GPR158: variants seen among roughly 807,000 people sequenced by gnomAD.
GPR158 encodes the protein metabotropic glycine receptor.
A neutral mutation model predicts 78.2 loss-of-function variants in GPR158; 30 were observed. The observed-to-expected ratio is 0.38, with a 90% CI of 0.29 to 0.52. The LOEUF is 0.52. Ranked by LOEUF, GPR158 falls within the 20% of genes least tolerant of loss-of-function variation. GPR158 has a pLI of 0.83. For synonymous variants in GPR158, 581 were observed against 591.1 expected (o/e 0.98, Z 0.25); for missense variants, 1,463 against 1,523.5 (o/e 0.96, Z 0.66).
At chr10:25,481,455 G>A (rs564568860) in intron 5 of GPR158, among the ~76,000 whole-genome samples, 1 of 152,070 alleles carries the variant, frequency 6.6e-6, no homozygotes, top group South Asian at 2.1e-4. Context: ...AACTAGGAGA[G>A]GTCAGGGAGC....
intron 2 of GPR158, among the ~76,000 whole-genome samples, chr10:25,224,871 C>T (rs536782513): frequency 2.8e-4 from 43 of 152,178 alleles, no homozygotes; most frequent in East Asian, 3.9e-4. Context: ...TTAAAGGAAT[C>T]GGTTAAAAAC....
chr10:25,383,004 T>C (rs947519945), intron 2 of GPR158, among the ~76,000 whole-genome samples: 5 of 151,812 alleles, frequency 3.3e-5, no homozygotes, highest in South Asian at 2.1e-4. Context: ...CCCGGCTTAT[T>C]TTTGGTATTT....
chr10:25,238,219 A>G (rs1483125902), intron 2 of GPR158, among the ~76,000 whole-genome samples: 2 of 151,648 alleles, frequency 1.3e-5, no homozygotes, highest in East Asian at 3.9e-4. Flanking sequence ...CAGTTTCTTC[A>G]CTCCATATCC....
intron 2 of GPR158, among the ~76,000 whole-genome samples, chr10:25,371,157 A>T (rs562093838): frequency 6.7e-6 from 1 of 148,438 alleles, no homozygotes; most frequent in Non-Finnish European, 1.5e-5. Context: ...TGGAGCACTT[A>T]GTCCATTTAC....
At chr10:25,214,903 C>T (rs1458129530) in intron 1 of GPR158, among the ~76,000 whole-genome samples, 1 of 152,112 alleles carries the variant, frequency 6.6e-6, no homozygotes, top group African/African-American at 2.4e-5. Flanking sequence ...AATAAAAGTT[C>T]TGTTGTTTAA....
rs547318746 is a variant in GPR158, at chr10:25,247,317, CT to C, written c.1008+26170del. Among the ~76,000 whole-genome samples the C allele has an allele frequency of 2.0e-3, 282 of 140,560 alleles. 1 individual carries two copies. The highest frequency in any genetic ancestry group is 3.2e-3 in the African/African-American group (121 of 38,378). 92.2% of individuals were successfully genotyped at this position (140,560 alleles called of 152,430 possible). ...AATTCAATTTATTCTTTTTTTTTTT[CT>C]TTTTTTTTTATTATACTTTAAGTTT... On this transcript the variant is annotated intron_variant, in intron 2 of 10. Transcript: ENST00000376351.
chr10:25,445,062 T>C (rs556720118), intron 4 of GPR158, among the ~76,000 whole-genome samples: 1 of 152,324 alleles, frequency 6.6e-6, no homozygotes, highest in East Asian at 1.9e-4. Flanking sequence ...GAATATAAAG[T>C]CTTTCTTAGA....
chr10:25,207,708 G>T (rs1460335143), intron 1 of GPR158, among the ~76,000 whole-genome samples: 1 of 152,070 alleles, frequency 6.6e-6, no homozygotes, highest in African/African-American at 2.4e-5. Flanking sequence ...ATGACCAAGG[G>T]GTTGAGGGAC....
At chr10:25,341,671 G>A (rs748759317) in intron 2 of GPR158, among the ~76,000 whole-genome samples, 1 of 151,668 alleles carries the variant, frequency 6.6e-6, no homozygotes, top group Non-Finnish European at 1.5e-5. Flanking sequence ...TTTGGCATAA[G>A]CAAATCATTC....
intron 2 of GPR158, among the ~76,000 whole-genome samples, chr10:25,375,450 C>T (rs190219625): frequency 1.1e-4 from 12 of 110,190 alleles, no homozygotes; most frequent in African/African-American, 3.8e-4. Context: ...CTAGGTCTGA[C>T]TTCTAATGTT....
rs113857722 is a variant in GPR158 at position 25,478,725 on chromosome 10, A to T, written c.1404+12006A>T. 1.8e-3 allele frequency among the ~76,000 whole-genome samples: 280 copies of T among 151,886 alleles called. 2 individuals are homozygous for T. Among genetic ancestry groups the T allele is most frequent in the African/African-American group, 6.3e-3 (262 of 41,386 alleles). Reference sequence around the variant, plus strand: ...TTTGTTACGTATATATACATGTGCCATGTTGGTGTGCTGCACCCATTAACT... The same window carrying T: ...TTTGTTACGTATATATACATGTGCCTTGTTGGTGTGCTGCACCCATTAACT... On this transcript the variant is annotated intron_variant, in intron 5 of 10. Coordinates refer to ENST00000376351, the MANE Select transcript of GPR158 (RefSeq NM_020752.3).
chr10:25,493,875 A>T (rs968164460), intron 5 of GPR158, among the ~76,000 whole-genome samples: 10 of 152,224 alleles, frequency 6.6e-5, no homozygotes, highest in African/African-American at 2.4e-4. Context: ...TACAAAAAGT[A>T]GTTGAGGTGA....
At chr10:25,360,457 T>A (rs1027308483) in intron 2 of GPR158, among the ~76,000 whole-genome samples, 1 of 151,992 alleles carries the variant, frequency 6.6e-6, no homozygotes, top group Non-Finnish European at 1.5e-5. Flanking sequence ...CCAGTTTCAG[T>A]TTTCTGCATA....
At chr10:25,248,452 A>G (rs1279013043) in intron 2 of GPR158, among the ~76,000 whole-genome samples, 1 of 151,762 alleles carries the variant, frequency 6.6e-6, no homozygotes, top group Non-Finnish European at 1.5e-5. Flanking sequence ...TTTTAGGTCT[A>G]ACATTTAAAT....
chr10:25,493,477 T>C (rs1248076643), intron 5 of GPR158, among the ~76,000 whole-genome samples: 4 of 152,132 alleles, frequency 2.6e-5, no homozygotes, highest in African/African-American at 4.8e-5. Context: ...TTCTGAAGGA[T>C]AGTTTGGGTA....
rs1455701969 is a variant in GPR158 at position 25,425,350 on chromosome 10, T to C, written c.1335+12877T>C. On this transcript the variant is annotated intron_variant, in intron 4 of 10. Transcript: ENST00000376351. Reference sequence around the variant, plus strand: ...GCACATCCATGCCAATGTCTATTATTTTTTTATTATGGCCATTCTTGCAGG... The same window carrying C: ...GCACATCCATGCCAATGTCTATTATCTTTTTATTATGGCCATTCTTGCAGG... Among the ~76,000 whole-genome samples, 3 of 152,092 alleles carry C rather than the reference T, an allele frequency of 2.0e-5. No individual in the cohort carries two copies. In the East Asian group the frequency reaches 5.8e-4, roughly 29 times the overall value.
intron 2 of GPR158, among the ~76,000 whole-genome samples, chr10:25,242,942 C>T (rs994882833): frequency 7.2e-5 from 11 of 152,164 alleles, no homozygotes; most frequent in African/African-American, 2.7e-4. Flanking sequence ...CAGTTCCTGA[C>T]CATATCCCTT....
rs149323477 is a variant in GPR158, at chr10:25,285,088, G to GTGTGTGTA, written c.1008+63934_1008+63935insGTGTATGT. The stretch of plus-strand genomic sequence containing the variant: ...TCATTGTGTGTGTGTGTGTGTGTGT[G>GTGTGTGTA]TGTATGCATGTGCATAAATCTACAT... On this transcript the variant is annotated intron_variant, in intron 2 of 10. Coordinates refer to ENST00000376351, the MANE Select transcript of GPR158 (RefSeq NM_020752.3). Among the ~76,000 whole-genome samples, 989 of 151,860 alleles carry GTGTGTGTA rather than the reference G, an allele frequency of 6.5e-3. 8 individuals are homozygous for GTGTGTGTA. Among genetic ancestry groups the GTGTGTGTA allele is most frequent in the Non-Finnish European group, 0.011 (727 of 67,944 alleles).
At chr10:25,527,214 AAAT>A (rs1294101039) in intron 5 of GPR158, among the ~76,000 whole-genome samples, 1 of 152,212 alleles carries the variant, frequency 6.6e-6, no homozygotes, top group Non-Finnish European at 1.5e-5. Flanking sequence ...CCTTTGTGCA[AAAT>A]AATGATGATA....
Sources: allele counts gnomAD v4.1 joint callset (sites outside exome capture counted in the v4.1 genomes callset), GRCh38; gene constraint gnomAD v4.1.1; transcripts MANE v1.5; gene names NCBI Gene and HGNC (gene_info 2026-07-23, HGNC 2026-07-21).